Variants in HDAC4 observed in about 807,000 individuals in gnomAD.
The protein encoded by HDAC4 is histone deacetylase A.
A neutral mutation model predicts 135.1 loss-of-function variants in HDAC4; 16 were observed. The ratio of observed to expected loss-of-function variants is 0.12; its 90% confidence interval spans 0.08 to 0.18. The LOEUF is 0.18. Among genes scored for constraint, HDAC4 ranks in the 10% least tolerant of loss-of-function variants. HDAC4 has a pLI of 1.00. For synonymous variants in HDAC4, 685 were observed against 653.4 expected (o/e 1.05, Z -0.74); for missense variants, 1,143 against 1,511.8 (o/e 0.76, Z 4.05).
intron 1 of HDAC4, among the ~76,000 whole-genome samples, chr2:239,370,365 G>T (rs1399645655): frequency 6.6e-6 from 1 of 152,164 alleles, no homozygotes; most frequent in African/African-American, 2.4e-5. Context: ...GTAAAAGCAG[G>T]TATGGTTCTC....
chr2:239,174,279 G>A (rs2043620654), intron 5 of HDAC4, among the ~76,000 whole-genome samples: 1 of 152,132 alleles, frequency 6.6e-6, no homozygotes, highest in Admixed American at 6.5e-5. Flanking sequence ...TGTACAACTG[G>A]CCAAGGGTTG....
At chr2:239,217,225 C>T (rs866998449) in intron 3 of HDAC4, among the ~76,000 whole-genome samples, 24 of 152,112 alleles carry the variant, frequency 1.6e-4, no homozygotes, top group African/African-American at 5.6e-4. Context: ...GCATCGCTCC[C>T]GGAAGCTCTC....
At chr2:239,255,425 A>C (rs1185160229) in intron 2 of HDAC4, among the ~76,000 whole-genome samples, 2 of 151,858 alleles carry the variant, frequency 1.3e-5, no homozygotes, top group African/African-American at 4.8e-5. Flanking sequence ...CAGCTAAGAA[A>C]CTCAGAGCCA....
At position 239,141,197 on chromosome 2, in the gene HDAC4, C is replaced by T. The variant is rs1442737170; in HGVS notation, c.866-1401G>A. Among the ~76,000 whole-genome samples, 2 of 152,154 alleles carry T rather than the reference C, an allele frequency of 1.3e-5. No homozygotes were observed. Among genetic ancestry groups the T allele is most frequent in the Admixed American group, 6.5e-5 (1 of 15,280 alleles). On this transcript the variant is annotated intron_variant, in intron 8 of 26. Coordinates refer to ENST00000543185, the MANE Select transcript of HDAC4 (RefSeq NM_001378414.1). The surrounding 1 kb of genome is among the most constrained non-coding windows in gnomAD (Gnocchi z 4.9). Reference sequence around the variant, plus strand: ...ACCCAGCTGGGTGGTGAAGGCGCACCTCCTCTGTTGACCACGCTGCCCACC... The same window carrying T: ...ACCCAGCTGGGTGGTGAAGGCGCACTTCCTCTGTTGACCACGCTGCCCACC...
intron 24 of HDAC4, among the ~76,000 whole-genome samples, chr2:239,064,647 C>T (rs2033236274): frequency 6.6e-6 from 1 of 152,168 alleles, no homozygotes; most frequent in African/African-American, 2.4e-5. Context: ...CAGTTAGCAG[C>T]GAGTTACCAA....
At position 239,053,602 on chromosome 2, in the gene HDAC4, CTGGGGTGG is replaced by C; in HGVS notation, c.3089-9_3089-2del. On this transcript the variant is annotated splice_acceptor_variant and splice_polypyrimidine_tract_variant and intron_variant, in intron 25 of 26. Transcript: ENST00000543185. LOFTEE classifies it high-confidence loss of function. ...CGCTGCAGGCAGCGCCAGTACTTGC[CTGGGGTGG>C]TGGGGTGAGGAAAGTCGCTCAGTGA... is the stretch of plus-strand genomic sequence containing the variant. 6.2e-7 allele frequency: 1 copy of C among 1,613,520 alleles called. No individual in the cohort carries two copies. The highest frequency in any genetic ancestry group is 8.5e-7 in the Non-Finnish European group (1 of 1,179,918).
At chr2:239,129,554 C>T (rs1238292641) in intron 11 of HDAC4, among the ~76,000 whole-genome samples, 1 of 152,164 alleles carries the variant, frequency 6.6e-6, no homozygotes, top group African/African-American at 2.4e-5. Flanking sequence ...TCTTTCTGCC[C>T]TGAGCACTGG....
At chr2:239,105,173 G>A (rs1189627917) in intron 15 of HDAC4, among the ~76,000 whole-genome samples, 1 of 152,202 alleles carries the variant, frequency 6.6e-6, no homozygotes, top group Admixed American at 6.5e-5. Context: ...CCTAGGATAA[G>A]ACAGAAGGAG....
At chr2:239,268,021 A>T (rs189791745) in intron 2 of HDAC4, among the ~76,000 whole-genome samples, 2 of 152,388 alleles carry the variant, frequency 1.3e-5, no homozygotes, top group East Asian at 3.9e-4. Context: ...CATAAATCTG[A>T]ATTTCTCTAA....
At chr2:239,174,173 C>A (rs1053369690) in intron 5 of HDAC4, among the ~76,000 whole-genome samples, 1 of 152,086 alleles carries the variant, frequency 6.6e-6, no homozygotes, top group Non-Finnish European at 1.5e-5. Flanking sequence ...AAGGAAAAGA[C>A]TGAAACTGTA....
rs2041631573 is a variant in HDAC4, at chr2:239,144,639, C to T, written c.809G>A (p.Arg270His). 3.7e-6 allele frequency: 6 copies of T among 1,614,088 alleles called. No individual in the cohort carries two copies. Among genetic ancestry groups the T allele is most frequent in the East Asian group, 2.2e-5 (1 of 44,892 alleles). ...AGTGACCACTGGCCCGTCTTTCCTG[C>T]GTAACAGGGGGCTGCTCCGTCTTTC... ...VAERRSSPLL[R>H]RKDGPVVTAL... Residue 270 changes from arginine to histidine, a missense_variant, in exon 8 of 27, where the codon CGC becomes CAC. Around this residue, in one of 9 missense-constraint regions of HDAC4, gnomAD observed 272 missense variants for 309.7 expected, o/e 0.88. Transcript: ENST00000543185.
chr2:239,273,932 C>A (rs2050202540), intron 2 of HDAC4, among the ~76,000 whole-genome samples: 1 of 152,144 alleles, frequency 6.6e-6, no homozygotes, highest in Admixed American at 6.5e-5. Context: ...TTTTAAATGA[C>A]TGATTATTTG....
chr2:239,155,212 C>G (rs1575215503), intron 7 of HDAC4, among the ~76,000 whole-genome samples: 2 of 150,412 alleles, frequency 1.3e-5, no homozygotes, highest in East Asian at 3.9e-4. Flanking sequence ...CCAGGGACAC[C>G]ACCGCCTCAA....
chr2:239,290,683 C>T (rs1211965227), intron 2 of HDAC4, among the ~76,000 whole-genome samples: 4 of 152,126 alleles, frequency 2.6e-5, no homozygotes, highest in South Asian at 2.1e-4. Context: ...TCAGTTCGCA[C>T]GCGCATGCAC....
chr2:239,339,412 C>T (rs1353421052), intron 2 of HDAC4, among the ~76,000 whole-genome samples: 9 of 152,208 alleles, frequency 5.9e-5, no homozygotes, highest in South Asian at 2.1e-4. Context: ...CAGGTCACCC[C>T]GGACACAGAG....
chr2:239,368,937 C>T (rs970166208), intron 1 of HDAC4, among the ~76,000 whole-genome samples: 1 of 152,186 alleles, frequency 6.6e-6, no homozygotes, highest in Non-Finnish European at 1.5e-5. Flanking sequence ...CTGGTACCTG[C>T]TGCTGTGATT....
In HDAC4 at chr2:239,125,043, T is replaced by C. The variant is rs115983966; in HGVS notation, c.1533+1413A>G. ...CGGTGTGCCGGCGTGTGGCCGCGCA[T>C]CACAGGATGGACACCTGGGCTGTTC... On this transcript the variant is annotated intron_variant, in intron 12 of 26. Coordinates refer to ENST00000543185, the MANE Select transcript of HDAC4 (RefSeq NM_001378414.1). 2.1e-3 allele frequency among the ~76,000 whole-genome samples: 317 copies of C among 151,630 alleles called. 2 individuals are homozygous for C. The highest frequency in any genetic ancestry group is 7.0e-3 in the African/African-American group (291 of 41,400).
chr2:239,148,557 C>G (rs188293311), intron 7 of HDAC4, among the ~76,000 whole-genome samples: 2 of 152,178 alleles, frequency 1.3e-5, no homozygotes, highest in African/African-American at 4.8e-5. Flanking sequence ...ACAGCCACAT[C>G]GAGGGCAAGA....
chr2:239,117,202 G>C (rs934628087), intron 12 of HDAC4, among the ~76,000 whole-genome samples: 2 of 152,192 alleles, frequency 1.3e-5, no homozygotes, highest in Non-Finnish European at 2.9e-5. Flanking sequence ...CAGAGAACAG[G>C]AACACAGGGT....
Sources: allele counts gnomAD v4.1 joint callset (sites outside exome capture counted in the v4.1 genomes callset), GRCh38; gene constraint gnomAD v4.1.1; regional missense constraint gnomAD v4.1.1; non-coding constraint Gnocchi (gnomAD v3.1); transcripts MANE v1.5; gene names NCBI Gene and HGNC (gene_info 2026-07-23, HGNC 2026-07-21).